The following DLGAP2 variants were observed in gnomAD, a reference collection of about 807,000 sequenced individuals.
DLGAP2 encodes disks large-associated protein 2.
A neutral mutation model predicts 100.3 loss-of-function variants in DLGAP2; 26 were observed. That is an observed-to-expected ratio of 0.26 (90% CI 0.19 to 0.36). The LOEUF (loss-of-function observed/expected upper bound fraction) is 0.36. DLGAP2 is among the 10% of genes least tolerant of loss of function. The pLI, the probability that DLGAP2 is intolerant of heterozygous loss-of-function variation, is 1.00. For missense variants in DLGAP2, 1,858 were observed against 1,453.2 expected, an observed-to-expected ratio of 1.28 and a Z score of -4.53; for synonymous variants, 886 against 630.1, an observed-to-expected ratio of 1.41 and a Z score of -6.08.
intron 4 of DLGAP2, among the ~76,000 whole-genome samples, chr8:1,515,713 C>T (rs1484436998): frequency 6.6e-6 from 1 of 152,172 alleles, no homozygotes; most frequent in African/African-American, 2.4e-5. Flanking sequence ...GACACACAAA[C>T]ACATGCACAG....
At chr8:1,107,998 G>A (rs1585067209) in intron 2 of DLGAP2, among the ~76,000 whole-genome samples, 4 of 152,316 alleles carry the variant, frequency 2.6e-5, no homozygotes, top group African/African-American at 4.8e-5. Flanking sequence ...GAGAATAGTC[G>A]TAGTTGAGCC....
chr8:1,454,560 A>G (rs942164344), intron 3 of DLGAP2, among the ~76,000 whole-genome samples: 10 of 152,276 alleles, frequency 6.6e-5, no homozygotes, highest in Admixed American at 1.3e-4. Context: ...AAATCGACCA[A>G]TGTGAGTGTT....
At chr8:1,486,343 A>G (rs569920363) in intron 3 of DLGAP2, among the ~76,000 whole-genome samples, 1 of 152,326 alleles carries the variant, frequency 6.6e-6, no homozygotes, top group Non-Finnish European at 1.5e-5. Flanking sequence ...TGGGGCCGGA[A>G]GTCTGTTCAG....
intron 2 of DLGAP2, among the ~76,000 whole-genome samples, chr8:1,174,141 G>A (rs1797198037): frequency 6.6e-6 from 1 of 152,102 alleles, no homozygotes; most frequent in Admixed American, 6.5e-5. Context: ...AAGTCGGGCT[G>A]GAACTGGGTA....
chr8:1,306,284 C>T (rs1479000740), intron 3 of DLGAP2, among the ~76,000 whole-genome samples: 1 of 151,914 alleles, frequency 6.6e-6, no homozygotes, highest in Non-Finnish European at 1.5e-5. Context: ...ACTAGTGTTT[C>T]CAAATACTAT....
chr8:1,470,560 CCTATT>C (rs1798751679), intron 3 of DLGAP2, among the ~76,000 whole-genome samples: 1 of 152,184 alleles, frequency 6.6e-6, no homozygotes, highest in Non-Finnish European at 1.5e-5. Context: ...ATATTGGAAT[CCTATT>C]CTATTCTCTC....
intron 3 of DLGAP2, among the ~76,000 whole-genome samples, chr8:1,281,713 G>C (rs1799816973): frequency 6.6e-6 from 1 of 152,186 alleles, no homozygotes; most frequent in African/African-American, 2.4e-5. Context: ...AGCTGACCAG[G>C]GAGAGGCAGA....
intron 4 of DLGAP2, among the ~76,000 whole-genome samples, chr8:1,508,149 T>C (rs1192642223): frequency 1.3e-5 from 2 of 151,868 alleles, no homozygotes; most frequent in Admixed American, 6.6e-5. Context: ...CTAACATTTG[T>C]GGAACTTAGG....
intron 1 of DLGAP2, among the ~76,000 whole-genome samples, chr8:764,349 A>G (rs1821156984): frequency 1.3e-5 from 2 of 152,204 alleles, no homozygotes; most frequent in African/African-American, 4.8e-5. Context: ...TTACTCGGTA[A>G]TTTTCTCACT....
intron 6 of DLGAP2, among the ~76,000 whole-genome samples, chr8:1,583,405 A>T (rs1464702416): frequency 3.3e-5 from 5 of 149,448 alleles, no homozygotes; most frequent in African/African-American, 1.3e-4. Flanking sequence ...TAACACCACC[A>T]TGCTGGGCAA....
intron 4 of DLGAP2, among the ~76,000 whole-genome samples, chr8:1,520,278 G>A (rs1025643348): frequency 6.6e-6 from 1 of 152,174 alleles, no homozygotes; most frequent in Non-Finnish European, 1.5e-5. Flanking sequence ...ATGGGAAAAC[G>A]CTGGGGCACA....
chr8:1,140,230 C>G (rs969015742), intron 2 of DLGAP2, among the ~76,000 whole-genome samples: 1 of 152,178 alleles, frequency 6.6e-6, no homozygotes, highest in African/African-American at 2.4e-5. Flanking sequence ...TCGTCCCGCT[C>G]TGCCGAGGGC....
At chr8:1,379,555 CTCT>C (rs1176099675) in intron 3 of DLGAP2, 8 of 152,376 alleles carry the variant, frequency 5.3e-5, no homozygotes, top group African/African-American at 1.9e-4. Context: ...CATATTCAGT[CTCT>C]TCTTGTAAGA....
chr8:937,603 G>C (rs915499488), intron 2 of DLGAP2, among the ~76,000 whole-genome samples: 1 of 152,178 alleles, frequency 6.6e-6, no homozygotes, highest in Non-Finnish European at 1.5e-5. Flanking sequence ...GTTGCTTGGG[G>C]CTGGAGGAGC....
intron 2 of DLGAP2, among the ~76,000 whole-genome samples, chr8:1,096,937 CGG>C (rs1178189034): frequency 7.6e-6 from 1 of 131,954 alleles, no homozygotes; most frequent in Non-Finnish European, 1.6e-5. Context: ...GCTGGGAGCC[CGG>C]GGCAGGCCTT....
chr8:1,583,938 C>T (rs921028487), intron 6 of DLGAP2, among the ~76,000 whole-genome samples: 1 of 152,082 alleles, frequency 6.6e-6, no homozygotes, highest in Non-Finnish European at 1.5e-5. Context: ...CTCCTCCTTG[C>T]TGCCGGTCAT....
intron 2 of DLGAP2, among the ~76,000 whole-genome samples, chr8:1,222,489 C>G (rs78449251): frequency 0.038 from 5,780 of 152,180 alleles, 188 homozygotes; most frequent in African/African-American, 0.086. Context: ...CCACTGGTAA[C>G]GACACTCCAG....
chr8:1,234,523 A>G (rs766829296), intron 2 of DLGAP2, among the ~76,000 whole-genome samples: 1 of 152,170 alleles, frequency 6.6e-6, no homozygotes, highest in Non-Finnish European at 1.5e-5. Flanking sequence ...AACCATTTAC[A>G]GCAACAATGA....
chr8:1,272,030 G>C (rs1411198500), intron 3 of DLGAP2, among the ~76,000 whole-genome samples: 3 of 152,106 alleles, frequency 2.0e-5, no homozygotes, highest in African/African-American at 7.2e-5. Flanking sequence ...TGGCCAAGTT[G>C]GTCTCAAACT....
Sources: gnomAD v4.1 joint callset for allele counts (sites outside exome capture counted in the v4.1 genomes callset) on GRCh38, gnomAD v4.1.1 for gene constraint, MANE v1.5 for transcripts, NCBI Gene and HGNC (gene_info 2026-07-23, HGNC 2026-07-21) for gene names.